The following ANTXR2 variants were observed in gnomAD, a reference collection of about 807,000 sequenced individuals.
The protein encoded by ANTXR2 is ANTXR cell adhesion molecule 2, also known as anthrax toxin receptor 2.
ANTXR2 carries 44 observed loss-of-function variants against 73.7 expected under a neutral mutation model. The ratio of observed to expected loss-of-function variants is 0.60; its 90% CI spans 0.47 to 0.77. The LOEUF (loss-of-function observed/expected upper bound fraction) is 0.77. ANTXR2 is among the 30% of genes least tolerant of loss of function. The pLI is 0.00. For missense variants in ANTXR2, 604 were observed against 592.5 expected (o/e 1.02, Z -0.20); for synonymous variants, 217 against 205.9 (o/e 1.05, Z -0.46).
intron 10 of ANTXR2, among the ~76,000 whole-genome samples, chr4:80,020,337 G>T (rs908308893): frequency 6.6e-6 from 1 of 152,034 alleles, no homozygotes; most frequent in Non-Finnish European, 1.5e-5. Flanking sequence ...AGTCATCTCT[G>T]ATTGAGCCAC....
chr4:80,043,651 G>T (rs572460482), intron 7 of ANTXR2, among the ~76,000 whole-genome samples: 1 of 151,990 alleles, frequency 6.6e-6, no homozygotes, highest in African/African-American at 2.4e-5. Context: ...TATTTGGCAA[G>T]GGAGAAGTGC....
chr4:80,052,760 G>A (rs751790246), intron 7 of ANTXR2, among the ~76,000 whole-genome samples: 1 of 151,508 alleles, frequency 6.6e-6, no homozygotes, highest in Non-Finnish European at 1.5e-5. Flanking sequence ...AGAACTTTAG[G>A]CAAGAAAGGC....
In ANTXR2 at chr4:79,902,065, A is replaced by T. The variant is rs1726726918; in HGVS notation, c.*5364T>A. ...AAGACTAGTTCTTGCCTTCTTGCCA[A>T]TTATTTCTAGTCAAACTGAAACCTA... On this transcript the variant is annotated 3_prime_UTR_variant, in exon 17 of 17. Coordinates refer to ENST00000403729, the MANE Select transcript of ANTXR2 (RefSeq NM_058172.6). The T allele has an allele frequency of 6.6e-6, 1 of 152,148 alleles. No homozygotes were observed. Among genetic ancestry groups the T allele is most frequent in the African/African-American group, 2.4e-5 (1 of 41,430 alleles). The allele number at this position is 152,148 out of a possible 1,614,324, so 9.4% of individuals were successfully genotyped here.
intron 16 of ANTXR2, among the ~76,000 whole-genome samples, chr4:79,909,044 G>A (rs1727025973): frequency 6.6e-6 from 1 of 152,116 alleles, no homozygotes; most frequent in Non-Finnish European, 1.5e-5. Flanking sequence ...CTAAAACACA[G>A]TAGTATATAT....
At chr4:80,011,281 A>G (rs1007688423) in intron 11 of ANTXR2, among the ~76,000 whole-genome samples, 2 of 70,866 alleles carry the variant, frequency 2.8e-5, no homozygotes, top group African/African-American at 5.8e-5. Context: ...CTATCTATCT[A>G]TCTATCTATC....
intron 10 of ANTXR2, among the ~76,000 whole-genome samples, chr4:80,029,594 G>A (rs1461585793): frequency 6.6e-6 from 1 of 151,826 alleles, no homozygotes; most frequent in Non-Finnish European, 1.5e-5. Context: ...GTCCTAGCAG[G>A]AAGTAGAAAC....
intron 3 of ANTXR2, among the ~76,000 whole-genome samples, chr4:80,057,176 A>G (rs1279363712): frequency 6.6e-6 from 1 of 151,906 alleles, no homozygotes; most frequent in Non-Finnish European, 1.5e-5. Context: ...ATAACACATG[A>G]AGAGTACTCA....
intron 14 of ANTXR2, among the ~76,000 whole-genome samples, chr4:79,978,934 A>G (rs942339788): frequency 6.6e-6 from 1 of 152,218 alleles, no homozygotes; most frequent in African/African-American, 2.4e-5. Flanking sequence ...TCTAAGTAAT[A>G]TAGTGTTCAG....
intron 16 of ANTXR2, among the ~76,000 whole-genome samples, chr4:79,932,350 G>A (rs566015877): frequency 4.0e-5 from 6 of 151,148 alleles, no homozygotes; most frequent in Middle Eastern, 3.4e-3. Context: ...TGCCCACCAC[G>A]AACCAAGGCC....
chr4:79,926,886 T>TGTGTGTATATACAC (rs1234597901), intron 16 of ANTXR2, among the ~76,000 whole-genome samples: 64 of 152,078 alleles, frequency 4.2e-4, no homozygotes, highest in African/African-American at 1.4e-3. Flanking sequence ...TGTGTATATA[T>TGTGTGTATATACAC]ATGTGTGTAT....
chr4:79,909,408 A>G (rs1414110124), intron 16 of ANTXR2, among the ~76,000 whole-genome samples: 1 of 152,158 alleles, frequency 6.6e-6, no homozygotes, highest in African/African-American at 2.4e-5. Context: ...ACTTTAAGCA[A>G]CTGGATAGTT....
At position 80,063,492 on chromosome 4, in the gene ANTXR2, T is replaced by A. The variant is rs928366123; in HGVS notation, c.296+5944A>T. Reference sequence around the variant, plus strand: ...TAAAATCAAACCACATATATATATATAAATTAAAATTGTGAAGGTTTTTTC... The same window carrying A: ...TAAAATCAAACCACATATATATATAAAAATTAAAATTGTGAAGGTTTTTTC... On this transcript the variant is annotated intron_variant, in intron 3 of 16. Coordinates refer to ENST00000403729, the MANE Select transcript of ANTXR2 (RefSeq NM_058172.6). 2.6e-5 allele frequency among the ~76,000 whole-genome samples: 4 copies of A among 152,176 alleles called. No individual in the cohort carries two copies. The East Asian group carries it at 7.7e-4, about 29-fold the overall frequency.
chr4:79,964,401 T>G lies in ANTXR2; in HGVS notation c.1428+13220A>C, dbSNP rs554449606. Among the ~76,000 whole-genome samples, 5 of 152,344 alleles carry G rather than the reference T, an allele frequency of 3.3e-5. No individual in the cohort carries two copies. In the East Asian group the frequency reaches 7.7e-4, roughly 23 times the overall value. ...CTGCTTTGAAAACCAAACAAACTCCTGCTGCGGACTCCGGCATGTTTGATG... is the reference window on the plus strand; with the variant it reads ...CTGCTTTGAAAACCAAACAAACTCCGGCTGCGGACTCCGGCATGTTTGATG... On this transcript the variant is annotated intron_variant, in intron 16 of 16. Transcript: ENST00000403729.
intron 16 of ANTXR2, among the ~76,000 whole-genome samples, chr4:79,952,136 T>C (rs1728730367): frequency 6.6e-6 from 1 of 151,434 alleles, no homozygotes; most frequent in South Asian, 2.1e-4. Context: ...GAATTATAAT[T>C]GTGGAGTTTT....
At chr4:79,946,998 T>C (rs1216694984) in intron 16 of ANTXR2, among the ~76,000 whole-genome samples, 1 of 152,174 alleles carries the variant, frequency 6.6e-6, no homozygotes, top group East Asian at 1.9e-4. Flanking sequence ...CAAATTGCTG[T>C]GAATCTCTTC....
intron 3 of ANTXR2, among the ~76,000 whole-genome samples, chr4:80,068,955 A>G (rs1734652450): frequency 6.6e-6 from 1 of 152,196 alleles, no homozygotes; most frequent in Non-Finnish European, 1.5e-5. Context: ...TGGTATACAT[A>G]TTGATATATA....
intron 8 of ANTXR2, among the ~76,000 whole-genome samples, chr4:80,035,102 C>A (rs1273978146): frequency 2.6e-5 from 4 of 152,110 alleles, no homozygotes; most frequent in African/African-American, 9.7e-5. Context: ...ACCCAGTATA[C>A]CCTCAGCACA....
At chr4:80,009,606 T>C (rs1188411405) in intron 11 of ANTXR2, among the ~76,000 whole-genome samples, 1 of 152,012 alleles carries the variant, frequency 6.6e-6, no homozygotes, top group African/African-American at 2.4e-5. Flanking sequence ...TCCCAGCACT[T>C]TGGGAGGCCG....
At chr4:80,040,093 C>G (rs1331431793) in intron 7 of ANTXR2, among the ~76,000 whole-genome samples, 1 of 151,702 alleles carries the variant, frequency 6.6e-6, no homozygotes, top group Non-Finnish European at 1.5e-5. Flanking sequence ...AAGATGGGAA[C>G]AGTAGACACT....
Sources: allele counts gnomAD v4.1 joint callset (sites outside exome capture counted in the v4.1 genomes callset), GRCh38; gene constraint gnomAD v4.1.1; transcripts MANE v1.5; gene names NCBI Gene and HGNC (gene_info 2026-07-23, HGNC 2026-07-21).